Variants in OR1L8 observed in about 807,000 individuals in gnomAD.
OR1L8 encodes the protein olfactory receptor family 1 subfamily L member 8, also known as olfactory receptor 1L8.
For missense variants in OR1L8, 330 were observed against 377.4 expected (o/e 0.87, Z 1.04); for synonymous variants, 148 against 147.0 (o/e 1.01, Z -0.05).
At chr9:122,562,235 C>CG (rs1193425138), downstream of OR1L8, among the ~76,000 whole-genome samples, 4 of 152,226 alleles carry the variant, frequency 2.6e-5, no homozygotes, top group Non-Finnish European at 5.9e-5. Flanking sequence ...GCCCTTCCCC[C>CG]GCCATGGGAG....
the OR1L8 span, among the ~76,000 whole-genome samples, chr9:122,550,403 G>A: frequency 6.6e-6 from 1 of 152,022 alleles, no homozygotes; most frequent in East Asian, 1.9e-4. Flanking sequence ...ATTCTACAAA[G>A]CAGGTATCAC....
In OR1L8 at chr9:122,568,480, A is replaced by C; in HGVS notation, c.-3T>G. On this transcript the variant is annotated 5_prime_UTR_variant, in exon 5 of 5. Transcript: ENST00000641027. ...CTGGTGTGGTTGATTCTTTCCATTG[A>C]CTTGGGCTCAGTTATAAACAAGAAG... is the stretch of plus-strand genomic sequence containing the variant. 1 of 1,545,942 alleles carries C rather than the reference A, an allele frequency of 6.5e-7. No homozygotes were observed. Among genetic ancestry groups the C allele is most frequent in the Non-Finnish European group, 8.8e-7 (1 of 1,140,490 alleles).
chr9:122,556,260 G>A, the OR1L8 span, among the ~76,000 whole-genome samples: 4 of 150,372 alleles, frequency 2.7e-5, no homozygotes, highest in Non-Finnish European at 5.9e-5. Flanking sequence ...TCAGGGAAAG[G>A]TGTAATGTCT....
intron 1 of OR1L8, among the ~76,000 whole-genome samples, 187 bp from the exon 2 acceptor site, chr9:122,578,632 A>G (rs1415895011): frequency 1.3e-5 from 2 of 152,160 alleles, no homozygotes; most frequent in African/African-American, 4.8e-5. Context: ...ATAAAAAGGA[A>G]CAAAATAATG....
the OR1L8 span, among the ~76,000 whole-genome samples, chr9:122,546,499 C>G: frequency 6.6e-6 from 1 of 152,110 alleles, no homozygotes; most frequent in Non-Finnish European, 1.5e-5. Context: ...TGTGAGCTGT[C>G]CAAGTGATGA....
chr9:122,554,288 TAA>T, the OR1L8 span: 14,298 of 532,564 alleles, frequency 0.027, no homozygotes, highest in East Asian at 0.042. Flanking sequence ...GTTAGGGATG[TAA>T]AAAAAAAAAA....
At chr9:122,565,799 T>A (rs1195721578), downstream of OR1L8, among the ~76,000 whole-genome samples, 1 of 152,266 alleles carries the variant, frequency 6.6e-6, no homozygotes, top group African/African-American at 2.4e-5. Flanking sequence ...TCTTTGCTTT[T>A]GATTTCAACT....
intron 3 of OR1L8, among the ~76,000 whole-genome samples, chr9:122,576,253 G>A (rs184368901): frequency 2.7e-4 from 41 of 151,568 alleles, no homozygotes; most frequent in Admixed American, 7.2e-4. Flanking sequence ...ACAGAGTCTT[G>A]CTCTGTCACC....
intron 1 of OR1L8, among the ~76,000 whole-genome samples, chr9:122,582,738 G>C (rs1372712032): frequency 6.6e-6 from 1 of 151,882 alleles, no homozygotes; most frequent in Non-Finnish European, 1.5e-5. Context: ...ATTTTTTTAA[G>C]TTAAAGGAAA....
Position 122,567,621 on chromosome 9 carries a change from T to C in OR1L8, c.857A>G (p.Asn286Ser). ...IVYTVLSSMLNPFIYSLRNKD... is the reference protein window; with the variant it reads ...IVYTVLSSMLSPFIYSLRNKD... ...GTTTCTCAGGCTGTAGATAAAAGGA[T>C]TGAGCATGGATGACAAAACTGTGTA... The change falls in exon 5 of 5, where the codon AAT becomes AGT. Residue 286 changes from asparagine to serine, a missense_variant. Transcript: ENST00000641027. 2 of 1,613,744 alleles carry C rather than the reference T, an allele frequency of 1.2e-6. No individual in the cohort carries two copies. Among genetic ancestry groups the C allele is most frequent in the Middle Eastern group, 3.3e-4 (2 of 6,058 alleles).
At chr9:122,565,662 C>A (rs975249625), downstream of OR1L8, among the ~76,000 whole-genome samples, 1 of 152,158 alleles carries the variant, frequency 6.6e-6, no homozygotes, top group Non-Finnish European at 1.5e-5. Context: ...GTATGGATCC[C>A]GTCACCCAGG....
At chr9:122,554,448 G>A in the OR1L8 span, among the ~76,000 whole-genome samples, 2 of 152,150 alleles carry the variant, frequency 1.3e-5, no homozygotes, top group African/African-American at 4.8e-5. Context: ...TAGTGAACAA[G>A]GCATTTGTTA....
chr9:122,570,227 T>C (rs929105224), intron 4 of OR1L8, among the ~76,000 whole-genome samples: 1 of 151,364 alleles, frequency 6.6e-6, no homozygotes, highest in Non-Finnish European at 1.5e-5. Flanking sequence ...ATGGTATTTC[T>C]AGTTCTAGAT....
chr9:122,581,912 A>AAAATAAATAAAT (rs544952192), intron 1 of OR1L8, among the ~76,000 whole-genome samples: 4 of 152,074 alleles, frequency 2.6e-5, no homozygotes, highest in African/African-American at 7.3e-5. Context: ...ACTCCATCTC[A>AAAATAAATAAAT]AAATAAATAA....
At chr9:122,580,261 A>G (rs547854439) in intron 1 of OR1L8, among the ~76,000 whole-genome samples, 2 of 152,358 alleles carry the variant, frequency 1.3e-5, no homozygotes, top group South Asian at 2.1e-4. Context: ...TAAATTTCAT[A>G]TAAGTGCACC....
intron 1 of OR1L8, among the ~76,000 whole-genome samples, chr9:122,580,094 C>CT (rs1829719479): frequency 6.6e-6 from 1 of 152,122 alleles, no homozygotes; most frequent in Admixed American, 6.5e-5. Flanking sequence ...AAAAAGTGGA[C>CT]TTCAGCTGCC....
At chr9:122,554,229 TCTA>T in the OR1L8 span, 1 of 1,209,868 alleles carries the variant, frequency 8.3e-7, no homozygotes, top group Non-Finnish European at 1.2e-6. Flanking sequence ...CTTCAGTAAT[TCTA>T]CTACTGTCAT....
chr9:122,562,185 C>T (rs1252739587), downstream of OR1L8, among the ~76,000 whole-genome samples: 1 of 152,220 alleles, frequency 6.6e-6, no homozygotes, highest in Non-Finnish European at 1.5e-5. Flanking sequence ...CCTGGCTCGG[C>T]AGGGGAAAAT....
chr9:122,563,834 T>A (rs1320415282), downstream of OR1L8, among the ~76,000 whole-genome samples: 1 of 151,708 alleles, frequency 6.6e-6, no homozygotes, highest in East Asian at 1.9e-4. Context: ...CATACACATA[T>A]TCAGTTTTTA....
Sources: allele counts gnomAD v4.1 joint callset (sites outside exome capture counted in the v4.1 genomes callset), GRCh38; gene constraint gnomAD v4.1.1; transcripts MANE v1.5; gene names NCBI Gene and HGNC (gene_info 2026-07-23, HGNC 2026-07-21).